GRAMD1B: variants seen among roughly 807,000 people sequenced by gnomAD.
GRAMD1B encodes the protein protein Aster-B.
Under a neutral mutation model 99.7 loss-of-function variants are expected in GRAMD1B, and 37 were observed. The observed-to-expected ratio is 0.37, with a 90% CI of 0.29 to 0.49. The LOEUF (loss-of-function observed/expected upper bound fraction) is 0.49, where lower values mean the gene tolerates loss of function less well. GRAMD1B is among the 20% of genes least tolerant of loss of function. The pLI is 0.98. For missense variants in GRAMD1B, 888 were observed against 1,009.2 expected, an observed-to-expected ratio of 0.88 and a Z score of 1.63; for synonymous variants, 427 against 387.6, an observed-to-expected ratio of 1.10 and a Z score of -1.19.
intron 1 of GRAMD1B, among the ~76,000 whole-genome samples, chr11:123,417,773 C>T (rs1317239740): frequency 1.3e-5 from 2 of 152,092 alleles, no homozygotes; most frequent in Non-Finnish European, 2.9e-5. Context: ...CCTGTCTGCA[C>T]GAAAAATATA....
At chr11:123,418,786 A>C (rs1948321853) in intron 1 of GRAMD1B, among the ~76,000 whole-genome samples, 1 of 152,190 alleles carries the variant, frequency 6.6e-6, no homozygotes, top group South Asian at 2.1e-4. Context: ...AAATAATTGC[A>C]CTAGGTGCCT....
chr11:123,599,527 C>A, intron 7 of GRAMD1B: 2 of 525,722 alleles, frequency 3.8e-6, no homozygotes, highest in South Asian at 3.2e-5. Context: ...GGCTGGAGTG[C>A]AGTAGCACTA....
chr11:123,368,679 C>CAA (rs58877377), intron 1 of GRAMD1B, among the ~76,000 whole-genome samples: 2,387 of 77,216 alleles, frequency 0.031, 216 homozygotes, highest in African/African-American at 0.049. Context: ...GACTCTGTCT[C>CAA]AAAAAAAAAA....
intron 2 of GRAMD1B, among the ~76,000 whole-genome samples, chr11:123,484,437 C>T (rs1951775822): frequency 6.6e-6 from 1 of 152,156 alleles, no homozygotes; most frequent in South Asian, 2.1e-4. Flanking sequence ...ACCACTCACT[C>T]CTCCAACCAC....
chr11:123,514,501 A>T (rs145159250), intron 2 of GRAMD1B, among the ~76,000 whole-genome samples: 233 of 152,352 alleles, frequency 1.5e-3, no homozygotes, highest in African/African-American at 5.3e-3. Flanking sequence ...CACACTGCAG[A>T]TAGTCACTGA....
chr11:123,617,794 A>G (rs1954627663), intron 17 of GRAMD1B, among the ~76,000 whole-genome samples: 1 of 152,144 alleles, frequency 6.6e-6, no homozygotes, highest in African/African-American at 2.4e-5. Flanking sequence ...TGAGCTTGTT[A>G]TACAGTGAGT....
rs1555050188 is a variant in GRAMD1B, at chr11:123,513,605, C to CTTT, written c.452+32712_452+32713insTTT. ...TCCTTCCTTCCTTCCTTCCTTCCTT[C>CTTT]CTTCCTTCCTTCCTTTCTTTCTTTC... On this transcript the variant is annotated intron_variant, in intron 2 of 19. Coordinates refer to ENST00000635736, the MANE Select transcript of GRAMD1B (RefSeq NM_001387025.1). Among the ~76,000 whole-genome samples, 42 of 31,794 alleles carry CTTT rather than the reference C, an allele frequency of 1.3e-3. 2 individuals carry two copies. The highest frequency in any genetic ancestry group is 3.2e-3 in the African/African-American group (42 of 13,316). 20.9% of individuals were successfully genotyped at this position (31,794 alleles called of 152,430 possible).
chr11:123,578,363 T>C, intron 3 of GRAMD1B: 1 of 1,470,456 alleles, frequency 6.8e-7, no homozygotes, highest in Non-Finnish European at 9.2e-7. Context: ...CCTCTCCTCT[T>C]CTTCCCCACC....
chr11:123,397,850 T>C (rs1308548209), intron 1 of GRAMD1B, among the ~76,000 whole-genome samples: 1 of 152,166 alleles, frequency 6.6e-6, no homozygotes, highest in Non-Finnish European at 1.5e-5. Context: ...TACTTTCCCA[T>C]CTGGCCTCTT....
chr11:123,403,387 A>C (rs1406291519), intron 1 of GRAMD1B, among the ~76,000 whole-genome samples: 2 of 150,612 alleles, frequency 1.3e-5, no homozygotes, highest in African/African-American at 4.9e-5. Flanking sequence ...AGATCATGCC[A>C]TTGCACTCCA....
At chr11:123,484,982 C>G (rs1393424498) in intron 2 of GRAMD1B, among the ~76,000 whole-genome samples, 2 of 152,104 alleles carry the variant, frequency 1.3e-5, no homozygotes, top group Non-Finnish European at 2.9e-5. Flanking sequence ...TCGTTCTGGC[C>G]CCCTCTGAGG....
rs59084399 is a variant in GRAMD1B at position 123,565,202 on chromosome 11, CTT to C, written c.453-12147_453-12146del. On this transcript the variant is annotated intron_variant, in intron 2 of 19. Coordinates refer to ENST00000635736, the MANE Select transcript of GRAMD1B (RefSeq NM_001387025.1). ...CATCTGCCAGCACGCCTGGCTAATT[CTT>C]TTTTTTTTTTTTTTTTTAGGGATGA... 8.2e-4 allele frequency among the ~76,000 whole-genome samples: 103 copies of C among 126,160 alleles called. No homozygotes were observed. In the South Asian group the frequency reaches 0.016, roughly 20 times the overall value. The allele number at this position is 126,160 out of a possible 152,430, so 82.8% of individuals were successfully genotyped here.
In GRAMD1B at chr11:123,627,569, C is replaced by G. The variant is rs778842380; in HGVS notation, c.*4974C>G. ...ACTGGGCCATCTATGGGAAAGAACA[C>G]GGGTCGAGTGCAGTCGAGTTGTCTG... On this transcript the variant is annotated 3_prime_UTR_variant, in exon 20 of 20. Transcript: ENST00000635736. The G allele has an allele frequency of 6.6e-6, 1 of 152,264 alleles. No individual in the cohort carries two copies. The highest frequency in any genetic ancestry group is 1.5e-5 in the Non-Finnish European group (1 of 68,096). The allele number at this position is 152,264 out of a possible 1,614,324, so 9.4% of individuals were successfully genotyped here.
At chr11:123,519,578 C>T (rs1942000096) in intron 2 of GRAMD1B, among the ~76,000 whole-genome samples, 1 of 152,200 alleles carries the variant, frequency 6.6e-6, no homozygotes. Flanking sequence ...GCTTTGATTC[C>T]CCAACGTGTG....
intron 2 of GRAMD1B, among the ~76,000 whole-genome samples, chr11:123,509,674 C>G (rs1940781515): frequency 6.6e-6 from 1 of 152,254 alleles, no homozygotes; most frequent in Non-Finnish European, 1.5e-5. Flanking sequence ...GCCTGTTCCT[C>G]TCTTCCCAAC....
intron 1 of GRAMD1B, among the ~76,000 whole-genome samples, chr11:123,359,164 AT>A (rs556216277): frequency 1.7e-4 from 26 of 152,040 alleles, no homozygotes; most frequent in African/African-American, 6.0e-4. Flanking sequence ...GAGCATGGAG[AT>A]TGCCTCTCCT....
intron 2 of GRAMD1B, among the ~76,000 whole-genome samples, chr11:123,554,001 C>T (rs1945890117): frequency 1.3e-5 from 2 of 152,312 alleles, no homozygotes; most frequent in African/African-American, 2.4e-5. Context: ...GACAGACTGT[C>T]TATATACCCT....
chr11:123,555,234 C>T (rs915689324), intron 2 of GRAMD1B, among the ~76,000 whole-genome samples: 5 of 152,142 alleles, frequency 3.3e-5, no homozygotes, highest in Admixed American at 6.5e-5. Flanking sequence ...GTAGGAACAA[C>T]GGAACTTACC....
chr11:123,513,477 TA>T (rs1941245995), intron 2 of GRAMD1B, among the ~76,000 whole-genome samples: 1 of 151,986 alleles, frequency 6.6e-6, no homozygotes. Flanking sequence ...TACTGAGAGT[TA>T]GTTTCCTTCC....
Sources: gnomAD v4.1 joint callset for allele counts (sites outside exome capture counted in the v4.1 genomes callset) on GRCh38, gnomAD v4.1.1 for gene constraint, MANE v1.5 for transcripts, NCBI Gene and HGNC (gene_info 2026-07-23, HGNC 2026-07-21) for gene names.